The following COBLL1 variants were observed in gnomAD, a reference collection of about 807,000 sequenced individuals.
The protein encoded by COBLL1 is cordon-bleu WH2 repeat protein like 1.
A neutral mutation model predicts 94.8 loss-of-function variants in COBLL1; 50 were observed. That is an observed-to-expected ratio of 0.53 (90% CI 0.42 to 0.67). COBLL1 has a LOEUF of 0.67. Ranked by LOEUF, COBLL1 falls within the 30% of genes least tolerant of loss-of-function variation. The pLI, the probability that COBLL1 is intolerant of heterozygous loss-of-function variation, is 0.00. For missense variants in COBLL1, 1,362 were observed against 1,348.7 expected (o/e 1.01, Z -0.15); for synonymous variants, 448 against 473.8 (o/e 0.95, Z 0.71).
chr2:164,803,909 C>G (rs932029266), intron 2 of COBLL1, among the ~76,000 whole-genome samples: 5 of 152,038 alleles, frequency 3.3e-5, no homozygotes, highest in African/African-American at 1.2e-4. Flanking sequence ...AGGCAGAAAA[C>G]ATCTTCTTGA....
intron 2 of COBLL1, among the ~76,000 whole-genome samples, chr2:164,766,401 C>G (rs1574548407): frequency 6.6e-6 from 1 of 152,162 alleles, no homozygotes; most frequent in African/African-American, 2.4e-5. Context: ...TGGATTTCCC[C>G]TTAGTGCCAT....
chr2:164,833,612 G>A (rs559824127), intron 2 of COBLL1, among the ~76,000 whole-genome samples: 3 of 151,904 alleles, frequency 2.0e-5, no homozygotes, highest in South Asian at 2.1e-4. Flanking sequence ...CACCACGCCC[G>A]GCTAATTTTT....
intron 3 of COBLL1, among the ~76,000 whole-genome samples, chr2:164,731,387 C>A (rs1312013851): frequency 6.6e-6 from 1 of 152,098 alleles, no homozygotes; most frequent in Non-Finnish European, 1.5e-5. Flanking sequence ...GGATACTTAC[C>A]AATTTTTTGC....
At chr2:164,762,486 A>C (rs1420470884) in intron 2 of COBLL1, among the ~76,000 whole-genome samples, 1 of 152,212 alleles carries the variant, frequency 6.6e-6, no homozygotes, top group Non-Finnish European at 1.5e-5. Flanking sequence ...AAGACAGTAT[A>C]CTTCAGTTCT....
Position 164,788,322 on chromosome 2 carries a change from G to GAGCTGCTAC in COBLL1, c.42-44456_42-44448dup, listed in dbSNP as rs1682985215. 6.6e-5 allele frequency among the ~76,000 whole-genome samples: 10 copies of GAGCTGCTAC among 152,180 alleles called. 1 individual carries two copies. In the South Asian group the frequency reaches 2.1e-3, roughly 32 times the overall value. On this transcript the variant is annotated intron_variant, in intron 2 of 13. Transcript: ENST00000652658. ...GACTGATGTGCAGATGTGACATTTG[G>GAGCTGCTAC]AGCTGCTACATCCATTGTGCTCCAC...
chr2:164,697,777 G>A (rs1337416829), intron 11 of COBLL1: 1 of 151,962 alleles, frequency 6.6e-6, no homozygotes. Flanking sequence ...TCCAGTGATT[G>A]GCAGTCCTGG....
At chr2:164,800,541 C>T (rs776551564) in intron 2 of COBLL1, 3 of 702,160 alleles carry the variant, frequency 4.3e-6, no homozygotes, top group Non-Finnish European at 7.8e-6. Context: ...TACCATGACC[C>T]AGCAATCTCT....
At chr2:164,815,289 C>T (rs545765341) in intron 2 of COBLL1, among the ~76,000 whole-genome samples, 1 of 151,974 alleles carries the variant, frequency 6.6e-6, no homozygotes, top group African/African-American at 2.4e-5. Context: ...ATCCCAGCTC[C>T]TTGGGTGGCT....
chr2:164,711,784 T>A (rs1224424576), intron 7 of COBLL1, among the ~76,000 whole-genome samples: 3 of 152,192 alleles, frequency 2.0e-5, no homozygotes, highest in Non-Finnish European at 4.4e-5. Context: ...TAAAATTTAT[T>A]AAGTCTAAAG....
Position 164,756,092 on chromosome 2 carries a change from A to G in COBLL1, c.42-12217T>C, listed in dbSNP as rs548799813. 1.4e-4 allele frequency among the ~76,000 whole-genome samples: 21 copies of G among 150,608 alleles called. 1 individual carries two copies. In the South Asian group the frequency reaches 4.4e-3, roughly 31 times the overall value. Reference sequence around the variant, plus strand: ...GAGAGAATGAGGGAGGGAGGGAGGGAGAGAGAGAGAGAGAGCAAGAGTGAG... The same window carrying G: ...GAGAGAATGAGGGAGGGAGGGAGGGGGAGAGAGAGAGAGAGCAAGAGTGAG... On this transcript the variant is annotated intron_variant, in intron 2 of 13. Coordinates refer to ENST00000652658, the MANE Select transcript of COBLL1 (RefSeq NM_001365672.2).
intron 2 of COBLL1, among the ~76,000 whole-genome samples, chr2:164,796,461 C>G (rs954839950): frequency 1.3e-5 from 2 of 151,990 alleles, no homozygotes; most frequent in African/African-American, 4.8e-5. Flanking sequence ...TAAACAAATG[C>G]ATACAGAAAT....
intron 7 of COBLL1, among the ~76,000 whole-genome samples, chr2:164,708,303 CAG>C: frequency 6.6e-6 from 1 of 151,272 alleles, no homozygotes; most frequent in Non-Finnish European, 1.5e-5. Flanking sequence ...GATTCTGTCT[CAG>C]AGTCACTGAA....
intron 2 of COBLL1, among the ~76,000 whole-genome samples, chr2:164,660,717 C>A (rs976430193): frequency 6.6e-6 from 1 of 152,170 alleles, no homozygotes; most frequent in Non-Finnish European, 1.5e-5. Flanking sequence ...AAGCAGCAGA[C>A]ATCTAATTTT....
chr2:164,786,793 T>C (rs1462016515), intron 2 of COBLL1, among the ~76,000 whole-genome samples: 1 of 152,130 alleles, frequency 6.6e-6, no homozygotes, highest in East Asian at 1.9e-4. Flanking sequence ...CTTCTTGAAC[T>C]GCTAATTCCC....
chr2:164,705,010 T>C lies in COBLL1; in HGVS notation c.1092A>G (p.Ala364=). Residue 364 remains alanine (A), a synonymous_variant, in exon 8 of 14, where the codon GCA becomes GCG. Transcript: ENST00000652658. ...GGGGTATTTTGGAGGGTGGGGAAGG[T>C]GCTTTTCGCTTTGTCCTTCTCAAAG... ...NSSLRRTKRK[A]PSPPSKIPPH... 1 of 1,605,886 alleles carries C rather than the reference T, an allele frequency of 6.2e-7. No homozygotes were observed. Among genetic ancestry groups the C allele is most frequent in the Non-Finnish European group, 8.5e-7 (1 of 1,176,328 alleles).
intron 2 of COBLL1, among the ~76,000 whole-genome samples, chr2:164,778,359 C>G (rs1688572035): frequency 6.6e-6 from 1 of 152,170 alleles, no homozygotes; most frequent in African/African-American, 2.4e-5. Context: ...GTAATCCCAA[C>G]ACTTTGGGAG....
chr2:164,732,921 G>T (rs970706536), intron 3 of COBLL1, among the ~76,000 whole-genome samples: 11 of 152,134 alleles, frequency 7.2e-5, no homozygotes, highest in African/African-American at 2.4e-5. Context: ...CAGGCATGGT[G>T]GCAGGTGTCT....
chr2:164,765,776 A>G (rs1341328901), intron 2 of COBLL1, among the ~76,000 whole-genome samples: 1 of 152,202 alleles, frequency 6.6e-6, no homozygotes. Context: ...ACTAAAGCTA[A>G]TCAAAAATAC....
chr2:164,750,724 C>T (rs932886069), intron 2 of COBLL1, among the ~76,000 whole-genome samples: 5 of 152,166 alleles, frequency 3.3e-5, no homozygotes, highest in Non-Finnish European at 7.3e-5. Context: ...TTGATGAACC[C>T]AAATTCTTTT....
Sources: allele counts gnomAD v4.1 joint callset (sites outside exome capture counted in the v4.1 genomes callset), GRCh38; gene constraint gnomAD v4.1.1; transcripts MANE v1.5; gene names NCBI Gene and HGNC (gene_info 2026-07-23, HGNC 2026-07-21).